Variants in LRBA observed in about 807,000 individuals in gnomAD.
LRBA encodes the protein LPS responsive beige-like anchor protein, also known as lipopolysaccharide-responsive and beige-like anchor protein.
A neutral mutation model predicts 330.0 loss-of-function variants in LRBA; 176 were observed. The ratio of observed to expected loss-of-function variants is 0.53; its 90% CI spans 0.47 to 0.60. The LOEUF is 0.60. Among genes scored for constraint, LRBA ranks in the 20% least tolerant of loss-of-function variants. LRBA has a pLI of 0.00. For synonymous variants in LRBA, 1,230 were observed against 1,193.0 expected (o/e 1.03, Z -0.64); for missense variants, 3,259 against 3,444.8 (o/e 0.95, Z 1.35).
intron 53 of LRBA, among the ~76,000 whole-genome samples, chr4:150,290,718 A>C (rs1728174878): frequency 6.6e-6 from 1 of 152,198 alleles, no homozygotes; most frequent in African/African-American, 2.4e-5. Flanking sequence ...AAGGATACCC[A>C]GTGCATCTTT....
At chr4:150,454,569 TTTTA>T (rs757761954) in intron 44 of LRBA, among the ~76,000 whole-genome samples, 76 of 152,030 alleles carry the variant, frequency 5.0e-4, no homozygotes, top group Non-Finnish European at 9.1e-4. Context: ...TAATCAAAAC[TTTTA>T]TTTTTCTTTT....
At chr4:150,981,954 C>T (rs1740895836) in intron 2 of LRBA, among the ~76,000 whole-genome samples, 1 of 142,092 alleles carries the variant, frequency 7.0e-6, no homozygotes. Context: ...CAGAGCAAGA[C>T]TCCATCTCAA....
rs1447719511 is a variant in LRBA at position 150,963,899 on chromosome 4, G to A, written c.217-34834C>T. Among the ~76,000 whole-genome samples the A allele has an allele frequency of 4.8e-5, 7 of 144,706 alleles. No homozygotes were observed. In the South Asian group the frequency reaches 6.4e-4, roughly 13 times the overall value. 94.9% of individuals were successfully genotyped at this position (144,706 alleles called of 152,430 possible). On this transcript the variant is annotated intron_variant, in intron 2 of 56. Coordinates refer to ENST00000651943, the MANE Select transcript of LRBA (RefSeq NM_001364905.1). ...GCCCATCATCTGGGATGTGGGGAGC[G>A]CCTGTGCCCCGCCGCCCCGTCTGGG...
At chr4:150,820,585 T>C (rs1745293944) in intron 30 of LRBA, among the ~76,000 whole-genome samples, 2 of 152,010 alleles carry the variant, frequency 1.3e-5, no homozygotes, top group Non-Finnish European at 2.9e-5. Flanking sequence ...AGAAATAAAA[T>C]CAATTTCCAA....
chr4:150,735,126 T>A, intron 36 of LRBA, 132 bp downstream of exon 36: 1 of 697,436 alleles, frequency 1.4e-6, no homozygotes, highest in Non-Finnish European at 2.6e-6. Context: ...ATGACTCTCC[T>A]ATAAACCTAG....
At chr4:150,393,080 C>T (rs1180015176) in intron 47 of LRBA, among the ~76,000 whole-genome samples, 1 of 151,996 alleles carries the variant, frequency 6.6e-6, no homozygotes, top group African/African-American at 2.4e-5. Flanking sequence ...CAATACCCAG[C>T]TCAACTGTCT....
chr4:151,005,710 T>C (rs1743993413), intron 2 of LRBA, among the ~76,000 whole-genome samples: 1 of 147,222 alleles, frequency 6.8e-6, no homozygotes, highest in African/African-American at 2.5e-5. Context: ...GTTCAAGCAA[T>C]TCTCCTACCT....
chr4:150,271,465 G>C (rs1746090567), intron 56 of LRBA, among the ~76,000 whole-genome samples: 1 of 149,124 alleles, frequency 6.7e-6, no homozygotes, highest in South Asian at 2.1e-4. Context: ...AGATCCACTG[G>C]CTTGAAATTC....
rs1200855493 is a variant in LRBA, at chr4:150,867,787, G to C, written c.2650C>G (p.Gln884Glu). ...GCGTATACCATTTCTGTTATCTTTT[G>C]CTCATCTGAATTCTTAGGATTAAAA... is the stretch of plus-strand genomic sequence containing the variant. Reference protein sequence around the residue: ...CYFNPKNSDEQKITEMVYAIF... With the variant: ...CYFNPKNSDEEKITEMVYAIF... Residue 884 changes from glutamine (Q) to glutamate (E), a missense_variant, in exon 22 of 57, where the codon CAA (glutamine) becomes GAA (glutamate). Physicochemically the swap from Gln to Glu is conservative, Grantham distance 29. Transcript: ENST00000651943. 1 of 1,613,482 alleles carries C rather than the reference G, an allele frequency of 6.2e-7. No homozygotes were observed. The highest frequency in any genetic ancestry group is 8.5e-7 in the Non-Finnish European group (1 of 1,179,650).
chr4:150,761,102 A>G (rs373344086), intron 35 of LRBA, among the ~76,000 whole-genome samples: 1 of 152,072 alleles, frequency 6.6e-6, no homozygotes, highest in Admixed American at 6.6e-5. Context: ...CTTTTAATCT[A>G]TACTCTGGGT....
In LRBA at chr4:150,295,194, C is replaced by CTT. The variant is rs146893381; in HGVS notation, c.8017+7429_8017+7430dup. On this transcript the variant is annotated intron_variant, in intron 53 of 56. Transcript: ENST00000651943. ...TGGTGCATTCCCCAAATTAAAATAG[C>CTT]TTTTTTTTTTTTTTTTTTTTTTTTT... Among the ~76,000 whole-genome samples the CTT allele has an allele frequency of 5.6e-3, 632 of 113,796 alleles. 16 individuals carry two copies. The highest frequency in any genetic ancestry group is 0.02 in the African/African-American group (585 of 28,546). The allele number at this position is 113,796 out of a possible 152,430, so 74.7% of individuals were successfully genotyped here.
intron 53 of LRBA, 60 bp downstream of exon 53, chr4:150,302,565 T>C (rs1435634928): frequency 1.5e-5 from 18 of 1,208,174 alleles, no homozygotes; most frequent in Non-Finnish European, 1.9e-5. Flanking sequence ...GTAACTTTAC[T>C]GCAAAATGTT....
At chr4:150,289,078 TAA>T (rs1219088038) in intron 53 of LRBA, among the ~76,000 whole-genome samples, 1 of 152,158 alleles carries the variant, frequency 6.6e-6, no homozygotes, top group Non-Finnish European at 1.5e-5. Flanking sequence ...TTCTTTAATG[TAA>T]AAGAGTTGAA....
intron 42 of LRBA, among the ~76,000 whole-genome samples, chr4:150,475,444 G>A (rs1250229262): frequency 2.0e-5 from 3 of 152,256 alleles, no homozygotes; most frequent in East Asian, 3.9e-4. Flanking sequence ...TAAATTAATA[G>A]CTCATTTTAT....
At chr4:150,779,583 T>C (rs764781141) in intron 34 of LRBA, among the ~76,000 whole-genome samples, 1 of 152,090 alleles carries the variant, frequency 6.6e-6, no homozygotes, top group Non-Finnish European at 1.5e-5. Flanking sequence ...TAATTAATGA[T>C]TGCTTCCATT....
chr4:150,695,047 A>T (rs1308932004), intron 36 of LRBA, among the ~76,000 whole-genome samples: 1 of 152,170 alleles, frequency 6.6e-6, no homozygotes, highest in Non-Finnish European at 1.5e-5. Flanking sequence ...ATTTCTTTAG[A>T]GTACTTATTA....
chr4:150,698,374 G>A (rs1348146296), intron 36 of LRBA, among the ~76,000 whole-genome samples: 1 of 152,036 alleles, frequency 6.6e-6, no homozygotes, highest in Non-Finnish European at 1.5e-5. Flanking sequence ...ATCTATGAGG[G>A]ATATATTCAG....
chr4:150,986,310 C>T (rs1036864164), intron 2 of LRBA, among the ~76,000 whole-genome samples: 1 of 152,076 alleles, frequency 6.6e-6, no homozygotes, highest in African/African-American at 2.4e-5. Flanking sequence ...GGCAAGCGAG[C>T]ATTACCACCT....
intron 37 of LRBA, among the ~76,000 whole-genome samples, chr4:150,672,988 G>A (rs761368038): frequency 6.6e-6 from 1 of 152,160 alleles, no homozygotes; most frequent in Non-Finnish European, 1.5e-5. Flanking sequence ...ATGACTGACT[G>A]ATTTAGTCAG....
Sources: gnomAD v4.1 joint callset for allele counts (sites outside exome capture counted in the v4.1 genomes callset) on GRCh38, gnomAD v4.1.1 for gene constraint, MANE v1.5 for transcripts, NCBI Gene and HGNC (gene_info 2026-07-23, HGNC 2026-07-21) for gene names.